Variants in MAGI2 observed in about 807,000 individuals in gnomAD.
MAGI2 encodes membrane-associated guanylate kinase, WW and PDZ domain-containing protein 2.
Under a neutral mutation model 133.3 loss-of-function variants are expected in MAGI2, and 35 were observed. The observed-to-expected ratio is 0.26, with a 90% CI of 0.20 to 0.35. The LOEUF (loss-of-function observed/expected upper bound fraction) is 0.35, where lower values mean the gene tolerates loss of function less well. Among genes scored for constraint, MAGI2 ranks in the 10% least tolerant of loss-of-function variants. The pLI is 1.00. For synonymous variants in MAGI2, 729 were observed against 710.6 expected (o/e 1.03, Z -0.41); for missense variants, 1,636 against 1,863.4 (o/e 0.88, Z 2.25).
At chr7:78,041,618 C>T (rs1000760174) in intron 21 of MAGI2, among the ~76,000 whole-genome samples, 2 of 152,062 alleles carry the variant, frequency 1.3e-5, no homozygotes, top group African/African-American at 2.4e-5. Context: ...GAGGCTACAG[C>T]GAGACATGAT....
chr7:78,983,056 T>G lies in MAGI2; in HGVS notation c.418+24034A>C, dbSNP rs368857514. Among the ~76,000 whole-genome samples the G allele has an allele frequency of 3.9e-5, 6 of 152,088 alleles. No homozygotes were observed. In the East Asian group the frequency reaches 1.2e-3, roughly 30 times the overall value. ...AAAATAATGTAAAATATCACAATAA[T>G]TTTTAGAAATTTGATTACATGTTAA... On this transcript the variant is annotated intron_variant, in intron 2 of 21. Coordinates refer to ENST00000354212, the MANE Select transcript of MAGI2 (RefSeq NM_012301.4).
At chr7:78,890,525 G>C (rs1040741216) in intron 2 of MAGI2, among the ~76,000 whole-genome samples, 18 of 152,046 alleles carry the variant, frequency 1.2e-4, no homozygotes, top group Admixed American at 4.6e-4. Flanking sequence ...ATAACAAACT[G>C]TCTCTCAGAC....
At chr7:79,010,754 T>C (rs1021214026) in intron 1 of MAGI2, among the ~76,000 whole-genome samples, 10 of 152,106 alleles carry the variant, frequency 6.6e-5, no homozygotes, top group African/African-American at 2.2e-4. Flanking sequence ...TTTGAATAAC[T>C]ATTGACTTAT....
chr7:78,296,974 C>CAA (rs1462977943), intron 9 of MAGI2, among the ~76,000 whole-genome samples: 1 of 152,170 alleles, frequency 6.6e-6, no homozygotes, highest in Non-Finnish European at 1.5e-5. Flanking sequence ...GTTAAAAGCA[C>CAA]AAAACACTAT....
chr7:78,795,614 A>C (rs1563515250), intron 2 of MAGI2, among the ~76,000 whole-genome samples: 1 of 148,952 alleles, frequency 6.7e-6, no homozygotes, highest in Non-Finnish European at 1.5e-5. Flanking sequence ...TTTCTATCAA[A>C]ATACCAATGA....
At chr7:78,591,766 T>A (rs1169078115) in intron 3 of MAGI2, among the ~76,000 whole-genome samples, 1 of 152,170 alleles carries the variant, frequency 6.6e-6, no homozygotes, top group Non-Finnish European at 1.5e-5. Context: ...ATTGCTTCAT[T>A]CCCAAATGTA....
intron 10 of MAGI2, among the ~76,000 whole-genome samples, chr7:78,201,969 A>G (rs1829294959): frequency 6.6e-6 from 1 of 152,258 alleles, no homozygotes; most frequent in South Asian, 2.1e-4. Context: ...ATTTTAGCAT[A>G]TGAAATCAAT....
At chr7:78,161,105 G>T (rs1824927034) in intron 15 of MAGI2, among the ~76,000 whole-genome samples, 1 of 152,126 alleles carries the variant, frequency 6.6e-6, no homozygotes, top group African/African-American at 2.4e-5. Flanking sequence ...CCTCTAAGGA[G>T]CTGTTGAAGG....
intron 6 of MAGI2, among the ~76,000 whole-genome samples, chr7:78,382,406 A>C (rs1386178080): frequency 2.6e-5 from 4 of 152,140 alleles, no homozygotes; most frequent in African/African-American, 7.2e-5. Context: ...AAATGAGCTT[A>C]CATGTGTACA....
At chr7:79,316,756 T>C (rs1292251347) in intron 1 of MAGI2, among the ~76,000 whole-genome samples, 1 of 152,162 alleles carries the variant, frequency 6.6e-6, no homozygotes, top group Non-Finnish European at 1.5e-5. Context: ...TAACATTTAT[T>C]AAGTGCAAAT....
intron 6 of MAGI2, among the ~76,000 whole-genome samples, chr7:78,440,899 G>A (rs1031729392): frequency 2.6e-5 from 4 of 152,108 alleles, no homozygotes; most frequent in African/African-American, 9.7e-5. Context: ...GCTACAGTGA[G>A]CTGAGATCGC....
At chr7:78,355,725 T>C (rs1212432736) in intron 7 of MAGI2, among the ~76,000 whole-genome samples, 1 of 152,232 alleles carries the variant, frequency 6.6e-6, no homozygotes. Flanking sequence ...TGTCTGGTAA[T>C]CTGCAACACA....
rs553721277 is a variant in MAGI2, at chr7:78,655,109, C to A, written c.419-27870G>T. 1.1e-4 allele frequency among the ~76,000 whole-genome samples: 17 copies of A among 151,566 alleles called. No homozygotes were observed. In the South Asian group the frequency reaches 3.5e-3, roughly 32 times the overall value. On this transcript the variant is annotated intron_variant, in intron 2 of 21. Coordinates refer to ENST00000354212, the MANE Select transcript of MAGI2 (RefSeq NM_012301.4). ...TTGTGTATACCATAAATATAATATA[C>A]CTACTCTGTGCCCACAAAAATTAAA...
chr7:79,335,229 T>G (rs536019608), intron 1 of MAGI2, among the ~76,000 whole-genome samples: 19 of 152,284 alleles, frequency 1.2e-4, no homozygotes, highest in African/African-American at 4.3e-4. Context: ...CTATAATGAC[T>G]TTAACATAGT....
At chr7:79,266,366 T>C (rs1190348387) in intron 1 of MAGI2, among the ~76,000 whole-genome samples, 2 of 151,942 alleles carry the variant, frequency 1.3e-5, no homozygotes, top group East Asian at 3.9e-4. Flanking sequence ...GAGCTAAAGA[T>C]ACCCTTATTT....
At chr7:79,240,483 T>C (rs889937473) in intron 1 of MAGI2, among the ~76,000 whole-genome samples, 1 of 152,084 alleles carries the variant, frequency 6.6e-6, no homozygotes, top group Non-Finnish European at 1.5e-5. Context: ...GTATTCTCAA[T>C]GTGGAGAGCA....
At chr7:78,401,933 T>TG (rs1796907662) in intron 6 of MAGI2, among the ~76,000 whole-genome samples, 1 of 151,774 alleles carries the variant, frequency 6.6e-6, no homozygotes, top group African/African-American at 2.4e-5. Context: ...AAAATGGCTT[T>TG]TTTTTTCAAT....
intron 6 of MAGI2, among the ~76,000 whole-genome samples, chr7:78,418,073 G>A (rs969578267): frequency 1.3e-5 from 2 of 152,098 alleles, no homozygotes; most frequent in African/African-American, 2.4e-5. Context: ...AGAATTGCTT[G>A]AGCCCAGGAG....
chr7:78,992,883 T>C (rs1454738437), intron 2 of MAGI2, among the ~76,000 whole-genome samples: 1 of 152,098 alleles, frequency 6.6e-6, no homozygotes, highest in Non-Finnish European at 1.5e-5. Flanking sequence ...ATTAATTTTC[T>C]ATAGTGCTTC....
Sources: allele counts gnomAD v4.1 joint callset (sites outside exome capture counted in the v4.1 genomes callset), GRCh38; gene constraint gnomAD v4.1.1; transcripts MANE v1.5; gene names NCBI Gene and HGNC (gene_info 2026-07-23, HGNC 2026-07-21).